Variants in FAM53B observed in about 807,000 individuals in gnomAD.
FAM53B encodes protein FAM53B.
FAM53B carries 12 observed loss-of-function variants against 32.7 expected under a neutral mutation model. That is an observed-to-expected ratio of 0.37 (90% CI 0.24 to 0.59). FAM53B has a LOEUF of 0.59. Among genes scored for constraint, FAM53B ranks in the 20% least tolerant of loss-of-function variants. FAM53B has a pLI of 0.72. For missense variants in FAM53B, 477 were observed against 577.7 expected, an observed-to-expected ratio of 0.83 and a Z score of 1.79; for synonymous variants, 234 against 228.7, an observed-to-expected ratio of 1.02 and a Z score of -0.21.
intron 3 of FAM53B, among the ~76,000 whole-genome samples, chr10:124,695,530 G>A (rs1949862867): frequency 6.6e-6 from 1 of 152,110 alleles, no homozygotes; most frequent in Non-Finnish European, 1.5e-5. Flanking sequence ...CACAAAGGCA[G>A]ACAAAGAATT....
intron 4 of FAM53B, among the ~76,000 whole-genome samples, chr10:124,662,373 G>T (rs1030357350): frequency 6.6e-6 from 1 of 152,154 alleles, no homozygotes; most frequent in African/African-American, 2.4e-5. Context: ...TGTGCCCAAT[G>T]GGGAAGAATC....
chr10:124,674,328 G>A (rs117383970), intron 4 of FAM53B, among the ~76,000 whole-genome samples: 424 of 152,290 alleles, frequency 2.8e-3, no homozygotes, highest in South Asian at 0.011. Flanking sequence ...TCCCAATATG[G>A]CAGCCAACTT....
At chr10:124,654,304 C>T (rs1164176631) in intron 4 of FAM53B, among the ~76,000 whole-genome samples, 1 of 152,258 alleles carries the variant, frequency 6.6e-6, no homozygotes, top group African/African-American at 2.4e-5. Context: ...TAGGGCCTGG[C>T]CCTCCCAACC....
intron 3 of FAM53B, among the ~76,000 whole-genome samples, chr10:124,685,299 C>T (rs755872570): frequency 7.2e-5 from 11 of 152,164 alleles, no homozygotes; most frequent in Non-Finnish European, 1.3e-4. Context: ...AATGTATTAT[C>T]GAATATGTGG....
chr10:124,623,477 G>T lies in FAM53B; in HGVS notation c.1034C>A (p.Pro345Gln). 1 of 1,586,508 alleles carries T rather than the reference G, an allele frequency of 6.3e-7. No individual in the cohort carries two copies. Among genetic ancestry groups the T allele is most frequent in the South Asian group, 1.1e-5 (1 of 88,658 alleles). ...GGTCCCAGCGGGGGTCCTGCCCCCT[G>T]GGCCGGAGGCTGAGAGCAGGGCGGT... ...AWTALLSASG[P>Q]GGRTPAGTPV... The change falls in exon 5 of 5, where the codon CCA (proline) becomes CAA (glutamine). Residue 345 changes from proline (P) to glutamine (Q), a missense_variant. Pro to Gln is a moderately conservative substitution (Grantham distance 76). Transcript: ENST00000337318.
intron 2 of FAM53B, among the ~76,000 whole-genome samples, chr10:124,696,693 T>C (rs1361272765): frequency 6.6e-6 from 1 of 152,078 alleles, no homozygotes; most frequent in African/African-American, 2.4e-5. Flanking sequence ...TCTCCCGCTC[T>C]GGTGAGAAGC....
intron 4 of FAM53B, among the ~76,000 whole-genome samples, chr10:124,638,744 G>A (rs1009475356): frequency 6.6e-6 from 1 of 152,350 alleles, no homozygotes; most frequent in Middle Eastern, 3.4e-3. Context: ...GCCCTTCAGG[G>A]GCGAGGACAA....
chr10:124,669,605 T>C (rs11245327), intron 4 of FAM53B, among the ~76,000 whole-genome samples: 41,862 of 152,114 alleles, frequency 0.28, 6,676 homozygotes, highest in South Asian at 0.39. Flanking sequence ...CACGTGAGGA[T>C]GTCACCATCC....
chr10:124,682,393 G>T lies in FAM53B; in HGVS notation c.134-14C>A, dbSNP rs764530167. 6.3e-7 allele frequency: 1 copy of T among 1,584,056 alleles called. No individual in the cohort carries two copies. Among genetic ancestry groups the T allele is most frequent in the South Asian group, 1.1e-5 (1 of 89,650 alleles). ...ATCTGTCATTTTCTGGTTCATAAAT[G>T]ACAAGGAGAAAACAGGATTTGAGAA... On this transcript the variant is annotated splice_polypyrimidine_tract_variant and intron_variant, in intron 3 of 4. Transcript: ENST00000337318. The surrounding 1 kb of genome is among the most constrained non-coding windows in gnomAD (Gnocchi z 5.2).
chr10:124,680,035 C>G (rs746310736), intron 4 of FAM53B, among the ~76,000 whole-genome samples: 10 of 152,286 alleles, frequency 6.6e-5, no homozygotes, highest in Non-Finnish European at 7.4e-5. Context: ...AGAAGTCACC[C>G]AAATCTGTCA....
intron 4 of FAM53B, among the ~76,000 whole-genome samples, chr10:124,654,736 A>T (rs900181018): frequency 1.3e-5 from 2 of 152,078 alleles, no homozygotes; most frequent in African/African-American, 4.8e-5. Flanking sequence ...GTAGGGCTGT[A>T]GGTGTTTGGC....
rs138390506 is a variant in FAM53B, at chr10:124,629,062, T to C, written c.907-5458A>G. Among the ~76,000 whole-genome samples, 135 of 152,372 alleles carry C rather than the reference T, an allele frequency of 8.9e-4. 1 individual carries two copies. The East Asian group carries it at 0.017, about 19-fold the overall frequency. ...AGCACCCTGGGTGTTAATGTAGTTATAGGTTATGCACCTGCTTCTTAGTAC... is the reference window on the plus strand; with the variant it reads ...AGCACCCTGGGTGTTAATGTAGTTACAGGTTATGCACCTGCTTCTTAGTAC... On this transcript the variant is annotated intron_variant, in intron 4 of 4. Coordinates refer to ENST00000337318, the MANE Select transcript of FAM53B (RefSeq NM_014661.4).
At chr10:124,661,481 G>A (rs988352783) in intron 4 of FAM53B, among the ~76,000 whole-genome samples, 2 of 152,214 alleles carry the variant, frequency 1.3e-5, no homozygotes, top group Non-Finnish European at 2.9e-5. Flanking sequence ...GCCCAAACAG[G>A]ATCTGACACC....
intron 1 of FAM53B, among the ~76,000 whole-genome samples, chr10:124,734,147 T>G (rs1230243575): frequency 2.0e-5 from 3 of 152,266 alleles, no homozygotes; most frequent in African/African-American, 7.2e-5. Flanking sequence ...CAGTACCTTG[T>G]GTAAACACAC....
chr10:124,723,036 T>A (rs1371148628), intron 1 of FAM53B, among the ~76,000 whole-genome samples: 1 of 152,172 alleles, frequency 6.6e-6, no homozygotes, highest in East Asian at 1.9e-4. Flanking sequence ...TCTTTTAGAC[T>A]CAGCTCAGGT....
intron 4 of FAM53B, chr10:124,624,052 A>T (rs1416052016): frequency 3.1e-5 from 5 of 163,474 alleles, no homozygotes; most frequent in African/African-American, 1.2e-4. Flanking sequence ...CGTTAAATGG[A>T]AAAGAAGAGA....
intron 2 of FAM53B, among the ~76,000 whole-genome samples, chr10:124,700,551 T>C (rs560038965): frequency 6.6e-6 from 1 of 152,142 alleles, no homozygotes; most frequent in East Asian, 1.9e-4. Context: ...CAGGGCCTCG[T>C]CTCTGTGAGA....
At chr10:124,628,789 G>A (rs1949372301) in intron 4 of FAM53B, among the ~76,000 whole-genome samples, 1 of 152,344 alleles carries the variant, frequency 6.6e-6, no homozygotes, top group South Asian at 2.1e-4. Flanking sequence ...ACAGGTGCAG[G>A]GACAGGAGCT....
chr10:124,657,621 A>G (rs574639463), intron 4 of FAM53B, among the ~76,000 whole-genome samples: 4 of 152,328 alleles, frequency 2.6e-5, no homozygotes, highest in African/African-American at 9.6e-5. Flanking sequence ...TAATTTTTTT[A>G]ACCAGTAGAA....
Sources: gnomAD v4.1 joint callset for allele counts (sites outside exome capture counted in the v4.1 genomes callset) on GRCh38, gnomAD v4.1.1 for gene constraint, Gnocchi (gnomAD v3.1) non-coding constraint, MANE v1.5 for transcripts, NCBI Gene and HGNC (gene_info 2026-07-23, HGNC 2026-07-21) for gene names.